The following GPC5 variants were observed in gnomAD, a reference collection of about 807,000 sequenced individuals.
The protein encoded by GPC5 is glypican-5.
A neutral mutation model predicts 53.9 loss-of-function variants in GPC5; 47 were observed. That is an observed-to-expected ratio of 0.87 (90% confidence interval 0.69 to 1.11). GPC5 has a LOEUF of 1.11. Ranked by LOEUF, GPC5 falls within the 50% of genes most tolerant of loss-of-function variation. The probability of loss-of-function intolerance (pLI) is 0.00; values close to 1 mark genes in which losing one functional copy is unlikely to be tolerated. For missense variants in GPC5, 748 were observed against 713.1 expected, an observed-to-expected ratio of 1.05 and a Z score of -0.56; for synonymous variants, 286 against 263.3, an observed-to-expected ratio of 1.09 and a Z score of -0.84.
At chr13:92,163,461 A>G (rs1425851894) in intron 7 of GPC5, among the ~76,000 whole-genome samples, 1 of 56,946 alleles carries the variant, frequency 1.8e-5, no homozygotes, top group Non-Finnish European at 3.2e-5. Flanking sequence ...ATTCCATCTC[A>G]AAAAAAAAAA....
intron 5 of GPC5, among the ~76,000 whole-genome samples, chr13:91,813,900 C>T (rs2038355230): frequency 7.1e-6 from 1 of 141,564 alleles, no homozygotes; most frequent in Non-Finnish European, 1.5e-5. Flanking sequence ...AATATTTAGA[C>T]TGTTGGATTA....
chr13:92,632,750 T>C (rs1317279405), intron 7 of GPC5, among the ~76,000 whole-genome samples: 2 of 151,776 alleles, frequency 1.3e-5, no homozygotes, highest in Non-Finnish European at 2.9e-5. Flanking sequence ...AAGAAAGAGG[T>C]TTAAGTTGGA....
intron 7 of GPC5, among the ~76,000 whole-genome samples, chr13:92,277,041 A>G (rs1388640199): frequency 2.0e-5 from 3 of 152,020 alleles, no homozygotes; most frequent in Non-Finnish European, 4.4e-5. Context: ...CTAAAGCAAC[A>G]TTCTGTTGCT....
intron 7 of GPC5, 54 bp from the exon 8 acceptor site, chr13:92,866,228 G>A (rs764842735): frequency 1.1e-4 from 173 of 1,513,826 alleles, no homozygotes; most frequent in Non-Finnish European, 1.5e-4. Context: ...TGTTCTAGAC[G>A]TATTATGGTG....
intron 1 of GPC5, among the ~76,000 whole-genome samples, chr13:91,414,436 T>C (rs530483380): frequency 6.6e-6 from 1 of 152,340 alleles, no homozygotes; most frequent in Non-Finnish European, 1.5e-5. Context: ...TCTTGGGCAG[T>C]TCTTTATAGC....
intron 7 of GPC5, among the ~76,000 whole-genome samples, chr13:92,685,962 T>A (rs1887264150): frequency 6.2e-5 from 1 of 16,188 alleles, no homozygotes; most frequent in African/African-American, 2.8e-4. Flanking sequence ...CAGTCTATCA[T>A]TGTTGGACAT....
chr13:91,737,477 A>G (rs2036839880), intron 4 of GPC5, among the ~76,000 whole-genome samples: 1 of 79,068 alleles, frequency 1.3e-5, no homozygotes, highest in South Asian at 4.7e-4. Flanking sequence ...ATAATTTAGC[A>G]GTTTCCATAG....
At chr13:92,400,537 C>A (rs1429550344) in intron 7 of GPC5, among the ~76,000 whole-genome samples, 2 of 152,160 alleles carry the variant, frequency 1.3e-5, no homozygotes, top group Non-Finnish European at 2.9e-5. Context: ...CTAAAATTTT[C>A]TCTTACCCTT....
intron 7 of GPC5, among the ~76,000 whole-genome samples, chr13:92,186,803 T>C (rs572058638): frequency 4.6e-5 from 7 of 152,236 alleles, no homozygotes; most frequent in African/African-American, 1.7e-4. Context: ...TATGTTTCAG[T>C]GGAAGATCAT....
chr13:92,474,071 G>A (rs1434908576), intron 7 of GPC5, among the ~76,000 whole-genome samples: 2 of 151,938 alleles, frequency 1.3e-5, no homozygotes, highest in Admixed American at 1.3e-4. Context: ...ATTGAAAAAG[G>A]TAATTATTCT....
chr13:91,549,579 C>G (rs1268655409), intron 2 of GPC5, among the ~76,000 whole-genome samples: 6 of 152,002 alleles, frequency 3.9e-5, no homozygotes, highest in Non-Finnish European at 7.4e-5. Context: ...CACAACAAAC[C>G]TGATTAAAAG....
chr13:92,811,706 A>C (rs772006878), intron 7 of GPC5, among the ~76,000 whole-genome samples: 2 of 152,002 alleles, frequency 1.3e-5, no homozygotes, highest in Non-Finnish European at 2.9e-5. Flanking sequence ...ATATTCCCCT[A>C]TATTTTTTTC....
At chr13:92,063,863 A>C (rs1211542432) in intron 6 of GPC5, among the ~76,000 whole-genome samples, 2 of 152,206 alleles carry the variant, frequency 1.3e-5, no homozygotes, top group Non-Finnish European at 2.9e-5. Flanking sequence ...ATGTATTAAT[A>C]AATTGCTTGA....
At chr13:92,729,325 T>TG (rs1888735881) in intron 7 of GPC5, among the ~76,000 whole-genome samples, 2 of 151,398 alleles carry the variant, frequency 1.3e-5, no homozygotes, top group South Asian at 4.1e-4. Context: ...TGGTAGCCAC[T>TG]AACTACATAT....
At chr13:92,610,966 A>ATT (rs1491291941) in intron 7 of GPC5, among the ~76,000 whole-genome samples, 22 of 51,376 alleles carry the variant, frequency 4.3e-4, no homozygotes, top group Non-Finnish European at 1.2e-3. Context: ...ATCTCAATAC[A>ATT]TATTTTTTTT....
intron 7 of GPC5, among the ~76,000 whole-genome samples, chr13:92,403,096 T>G (rs1207291749): frequency 2.6e-5 from 4 of 152,210 alleles, no homozygotes; most frequent in Non-Finnish European, 5.9e-5. Flanking sequence ...AGAAGTGCTG[T>G]GCTATATTCT....
At chr13:91,635,750 T>A (rs1011467218) in intron 2 of GPC5, among the ~76,000 whole-genome samples, 1 of 152,152 alleles carries the variant, frequency 6.6e-6, no homozygotes, top group Non-Finnish European at 1.5e-5. Flanking sequence ...ACTGATACAC[T>A]GAAGCCAGGT....
chr13:92,090,532 C>T (rs1283431382), intron 6 of GPC5, among the ~76,000 whole-genome samples: 1 of 152,152 alleles, frequency 6.6e-6, no homozygotes, highest in Non-Finnish European at 1.5e-5. Context: ...GCACTTTGAT[C>T]TAGGACTTCC....
intron 2 of GPC5, among the ~76,000 whole-genome samples, chr13:91,581,823 T>C (rs1433854321): frequency 2.6e-5 from 4 of 151,760 alleles, no homozygotes; most frequent in African/African-American, 9.7e-5. Context: ...AAACACACAA[T>C]CACCAACAAA....
Sources: gnomAD v4.1 joint callset for allele counts (sites outside exome capture counted in the v4.1 genomes callset) on GRCh38, gnomAD v4.1.1 for gene constraint, MANE v1.5 for transcripts, NCBI Gene and HGNC (gene_info 2026-07-23, HGNC 2026-07-21) for gene names.